LRRTM4: variants seen among roughly 807,000 people sequenced by gnomAD.
The protein encoded by LRRTM4 is leucine rich repeat transmembrane neuronal 4, also known as leucine-rich repeat transmembrane neuronal protein 4.
A neutral mutation model predicts 47.6 loss-of-function variants in LRRTM4; 25 were observed. The ratio of observed to expected loss-of-function variants is 0.53; its 90% CI spans 0.38 to 0.73. LRRTM4 has a LOEUF of 0.73. Among genes scored for constraint, LRRTM4 ranks in the 30% least tolerant of loss-of-function variants. The pLI is 0.00. For synonymous variants in LRRTM4, 311 were observed against 269.5 expected (o/e 1.15, Z -1.51); for missense variants, 638 against 713.4 (o/e 0.89, Z 1.20).
At chr2:76,772,557 C>G (rs1673757267) in intron 3 of LRRTM4, among the ~76,000 whole-genome samples, 1 of 152,142 alleles carries the variant, frequency 6.6e-6, no homozygotes, top group African/African-American at 2.4e-5. Flanking sequence ...CTCAATTTGA[C>G]CAACCTTTGG....
intron 3 of LRRTM4, among the ~76,000 whole-genome samples, chr2:77,200,461 C>A (rs1673942852): frequency 6.6e-6 from 1 of 152,102 alleles, no homozygotes; most frequent in African/African-American, 2.4e-5. Context: ...CAAATATAAA[C>A]TCTTCTTCAA....
At chr2:77,244,633 A>T (rs1675379126) in intron 3 of LRRTM4, among the ~76,000 whole-genome samples, 1 of 151,828 alleles carries the variant, frequency 6.6e-6, no homozygotes, top group South Asian at 2.1e-4. Context: ...CTCCCCCATG[A>T]GTGTAGGCTA....
chr2:76,835,124 A>C (rs1010278179), intron 3 of LRRTM4, among the ~76,000 whole-genome samples: 5 of 152,180 alleles, frequency 3.3e-5, no homozygotes, highest in African/African-American at 1.2e-4. Context: ...CCTCAAATTC[A>C]GAACTTGATG....
intron 3 of LRRTM4, among the ~76,000 whole-genome samples, chr2:76,882,046 A>T (rs1672946095): frequency 6.6e-6 from 1 of 152,172 alleles, no homozygotes; most frequent in African/African-American, 2.4e-5. Flanking sequence ...TGTAAAATTG[A>T]ATTCCTAGTA....
intron 3 of LRRTM4, among the ~76,000 whole-genome samples, chr2:77,150,045 T>C (rs960376215): frequency 1.3e-5 from 2 of 152,164 alleles, no homozygotes; most frequent in Non-Finnish European, 2.9e-5. Context: ...TAGCTGACTC[T>C]TGGAAGTTAT....
intron 3 of LRRTM4, among the ~76,000 whole-genome samples, chr2:77,213,337 G>T (rs921380863): frequency 6.6e-6 from 1 of 151,978 alleles, no homozygotes; most frequent in Non-Finnish European, 1.5e-5. Context: ...GATCTTAATC[G>T]CAACCAGCTC....
At chr2:77,448,390 T>A (rs1676134517) in intron 3 of LRRTM4, among the ~76,000 whole-genome samples, 1 of 151,956 alleles carries the variant, frequency 6.6e-6, no homozygotes, top group South Asian at 2.1e-4. Context: ...TTCCTGAGTC[T>A]CATCTTAAAT....
chr2:76,885,612 A>G (rs1383824601), intron 3 of LRRTM4, among the ~76,000 whole-genome samples: 2 of 151,840 alleles, frequency 1.3e-5, no homozygotes, highest in Admixed American at 1.3e-4. Flanking sequence ...GCAAGCGCCC[A>G]CCGCCACCAC....
intron 3 of LRRTM4, among the ~76,000 whole-genome samples, chr2:77,002,942 G>A (rs1677486151): frequency 6.6e-6 from 1 of 152,032 alleles, no homozygotes; most frequent in African/African-American, 2.4e-5. Context: ...CTAGTTTTCT[G>A]GACCACACCA....
At chr2:76,986,888 A>G (rs989869436) in intron 3 of LRRTM4, among the ~76,000 whole-genome samples, 2 of 151,946 alleles carry the variant, frequency 1.3e-5, no homozygotes, top group Non-Finnish European at 2.9e-5. Context: ...TGGCAAATAC[A>G]TTACCTCATC....
At chr2:77,483,358 A>AG (rs1677789761) in intron 3 of LRRTM4, among the ~76,000 whole-genome samples, 1 of 151,938 alleles carries the variant, frequency 6.6e-6, no homozygotes, top group African/African-American at 2.4e-5. Flanking sequence ...TTAGTGGTGG[A>AG]GGGGGACAGT....
At chr2:77,188,570 T>G (rs567648209) in intron 3 of LRRTM4, among the ~76,000 whole-genome samples, 56 of 152,342 alleles carry the variant, frequency 3.7e-4, no homozygotes, top group African/African-American at 1.3e-3. Context: ...ATTCTTTTAT[T>G]GGCATCTTCC....
At chr2:76,917,186 T>C (rs1255233726) in intron 3 of LRRTM4, among the ~76,000 whole-genome samples, 1 of 152,172 alleles carries the variant, frequency 6.6e-6, no homozygotes, top group African/African-American at 2.4e-5. Context: ...TCATAAATGA[T>C]ATGCAAATGA....
chr2:76,798,699 G>C (rs879414461), intron 3 of LRRTM4, among the ~76,000 whole-genome samples: 1 of 148,874 alleles, frequency 6.7e-6, no homozygotes, highest in Non-Finnish European at 1.5e-5. Context: ...TTGATAGACC[G>C]CTAGCAAGAC....
In LRRTM4 at chr2:77,036,737, G is replaced by T. The variant is rs180814071; in HGVS notation, c.1552-287821C>A. On this transcript the variant is annotated intron_variant, in intron 3 of 3. Coordinates refer to ENST00000409884, the MANE Select transcript of LRRTM4 (RefSeq NM_001134745.3). Reference sequence around the variant, plus strand: ...AGCTTGGCTCTTGGCTAGTAAGCTGGATATTGCTGAATATCTGAGAGAAAG... The same window carrying T: ...AGCTTGGCTCTTGGCTAGTAAGCTGTATATTGCTGAATATCTGAGAGAAAG... Among the ~76,000 whole-genome samples, 310 of 151,742 alleles carry T rather than the reference G, an allele frequency of 2.0e-3. 2 individuals are homozygous for T. The highest frequency in any genetic ancestry group is 7.0e-3 in the African/African-American group (290 of 41,456).
chr2:77,348,988 A>C (rs12619227), intron 3 of LRRTM4, among the ~76,000 whole-genome samples: 30,636 of 151,880 alleles, frequency 0.2, 3,685 homozygotes, highest in East Asian at 0.42. Context: ...ACTGACAGCA[A>C]ATATGATTAT....
chr2:76,946,722 T>C (rs764539069), intron 3 of LRRTM4, among the ~76,000 whole-genome samples: 6 of 151,896 alleles, frequency 4.0e-5, no homozygotes, highest in Non-Finnish European at 8.8e-5. Context: ...AGATGTTACA[T>C]AGCATTGTCA....
intron 3 of LRRTM4, among the ~76,000 whole-genome samples, chr2:76,853,103 A>G (rs1672046643): frequency 6.6e-6 from 1 of 152,082 alleles, no homozygotes; most frequent in African/African-American, 2.4e-5. Context: ...TTTGGACTTG[A>G]TATTGGGAGA....
chr2:77,277,213 A>C (rs1201610444), intron 3 of LRRTM4, among the ~76,000 whole-genome samples: 2 of 152,076 alleles, frequency 1.3e-5, no homozygotes, highest in East Asian at 3.9e-4. Flanking sequence ...GATAGTTATC[A>C]ACAATCCCAC....
Sources: allele counts gnomAD v4.1 joint callset (sites outside exome capture counted in the v4.1 genomes callset), GRCh38; gene constraint gnomAD v4.1.1; transcripts MANE v1.5; gene names NCBI Gene and HGNC (gene_info 2026-07-23, HGNC 2026-07-21).